Variants in IL15 observed in about 807,000 individuals in gnomAD.
The protein encoded by IL15 is interleukin-15.
IL15 carries 11 observed loss-of-function variants against 19.6 expected under a neutral mutation model. That is an observed-to-expected ratio of 0.56 (90% CI 0.35 to 0.93). IL15 has a LOEUF of 0.93. Ranked by LOEUF, IL15 falls within the 40% of genes least tolerant of loss-of-function variation. The pLI, the probability that IL15 is intolerant of heterozygous loss-of-function variation, is 0.01. For missense variants in IL15, 197 were observed against 186.5 expected, an observed-to-expected ratio of 1.06 and a Z score of -0.33; for synonymous variants, 58 against 59.6, an observed-to-expected ratio of 0.97 and a Z score of 0.12.
At chr4:141,699,897 A>G (rs1368455041) in intron 2 of IL15, among the ~76,000 whole-genome samples, 1 of 151,748 alleles carries the variant, frequency 6.6e-6, no homozygotes, top group East Asian at 1.9e-4. Flanking sequence ...TTATTGTGTT[A>G]TTGTTTTATA....
intron 3 of IL15, among the ~76,000 whole-genome samples, chr4:141,720,007 A>G (rs1730020420): frequency 6.6e-6 from 1 of 152,118 alleles, no homozygotes; most frequent in Non-Finnish European, 1.5e-5. Flanking sequence ...CCAATTTTTC[A>G]CCAAATAATA....
chr4:141,714,787 A>G (rs551697244), intron 2 of IL15: 1 of 152,222 alleles, frequency 6.6e-6, no homozygotes, highest in South Asian at 2.1e-4. Context: ...TCCTTCTTTT[A>G]TAATCCTTGA....
intron 6 of IL15, among the ~76,000 whole-genome samples, chr4:141,729,321 A>G (rs1353496218): frequency 6.6e-6 from 1 of 152,044 alleles, no homozygotes; most frequent in Non-Finnish European, 1.5e-5. Context: ...CACCTAAGAG[A>G]GCCTTTTCTG....
At chr4:141,678,742 C>T (rs1279329985) in intron 2 of IL15, among the ~76,000 whole-genome samples, 4 of 151,954 alleles carry the variant, frequency 2.6e-5, no homozygotes, top group South Asian at 2.1e-4. Context: ...GCTGGGACTA[C>T]AGGCACGTGC....
chr4:141,676,134 G>T (rs1243187827), intron 2 of IL15, among the ~76,000 whole-genome samples: 1 of 152,138 alleles, frequency 6.6e-6, no homozygotes, highest in African/African-American at 2.4e-5. Context: ...AAGTTTTTAA[G>T]GCATATTTAG....
intron 6 of IL15, among the ~76,000 whole-genome samples, chr4:141,728,377 T>C (rs534071666): frequency 5.9e-5 from 9 of 152,272 alleles, no homozygotes; most frequent in African/African-American, 1.9e-4. Flanking sequence ...ATATTTTCCA[T>C]AAATTGCTTA....
At chr4:141,696,391 G>T (rs939938267) in intron 2 of IL15, among the ~76,000 whole-genome samples, 2 of 151,966 alleles carry the variant, frequency 1.3e-5, no homozygotes, top group Admixed American at 1.3e-4. Flanking sequence ...TTTTTGCTCT[G>T]AATTCCTTTG....
intron 2 of IL15, among the ~76,000 whole-genome samples, chr4:141,691,682 G>T (rs1728916461): frequency 6.6e-6 from 1 of 152,190 alleles, no homozygotes; most frequent in Non-Finnish European, 1.5e-5. Flanking sequence ...TTGACTCCAT[G>T]TCTCATATCC....
rs564627936 is a variant in IL15, at chr4:141,671,130, A to G, written c.-100+14823A>G. The stretch of plus-strand genomic sequence containing the variant: ...GCTAGTCTTAATGTATATACTAGAG[A>G]CAGAAAGATGAGTAATATAACCCCT... On this transcript the variant is annotated intron_variant, in intron 2 of 7. Coordinates refer to ENST00000320650, the MANE Select transcript of IL15 (RefSeq NM_000585.5). Among the ~76,000 whole-genome samples the G allele has an allele frequency of 4.8e-4, 73 of 152,306 alleles. No homozygotes were observed. The East Asian group carries it at 0.012, about 25-fold the overall frequency.
At chr4:141,655,499 T>C (rs767727813) in intron 1 of IL15, among the ~76,000 whole-genome samples, 3 of 152,156 alleles carry the variant, frequency 2.0e-5, no homozygotes, top group Non-Finnish European at 2.9e-5. Flanking sequence ...TGCGGATTCT[T>C]GGATCATACT....
chr4:141,702,799 GAC>G (rs959994641), intron 2 of IL15, among the ~76,000 whole-genome samples: 11 of 152,198 alleles, frequency 7.2e-5, no homozygotes, highest in African/African-American at 2.4e-4. Flanking sequence ...TTAGGTGATG[GAC>G]AGGGCTGTAG....
intron 2 of IL15, among the ~76,000 whole-genome samples, chr4:141,709,616 T>C (rs1729646775): frequency 6.6e-6 from 1 of 152,198 alleles, no homozygotes; most frequent in Non-Finnish European, 1.5e-5. Context: ...GCCTTACTGA[T>C]TTCTGTATAT....
chr4:141,704,304 T>C (rs1348585877), intron 2 of IL15, among the ~76,000 whole-genome samples: 1 of 152,184 alleles, frequency 6.6e-6, no homozygotes, highest in Non-Finnish European at 1.5e-5. Context: ...ATCATCTGGA[T>C]TTTGTTTTTC....
intron 7 of IL15, 92 bp from the exon 8 acceptor site, chr4:141,732,646 T>C: frequency 3.3e-6 from 5 of 1,510,156 alleles, no homozygotes; most frequent in Non-Finnish European, 4.5e-6. Flanking sequence ...GACCTCACCA[T>C]ATGGTTCAAA....
chr4:141,648,911 A>T (rs1489711485), intron 1 of IL15, among the ~76,000 whole-genome samples: 7 of 152,118 alleles, frequency 4.6e-5, no homozygotes, highest in Admixed American at 4.6e-4. Context: ...ATATTTATTG[A>T]TCACTTTCTC....
intron 2 of IL15, among the ~76,000 whole-genome samples, chr4:141,668,939 C>G (rs1408479034): frequency 6.6e-6 from 1 of 152,112 alleles, no homozygotes; most frequent in Non-Finnish European, 1.5e-5. Context: ...GTTTCTTGTT[C>G]TGGGCTGTCA....
chr4:141,663,047 C>A (rs528840877), intron 2 of IL15, among the ~76,000 whole-genome samples: 3 of 151,776 alleles, frequency 2.0e-5, no homozygotes, highest in Non-Finnish European at 4.4e-5. Flanking sequence ...AAAAGTAACT[C>A]ATTAAAAAAA....
chr4:141,678,374 G>C lies in IL15; in HGVS notation c.-100+22067G>C, dbSNP rs959266242. The stretch of plus-strand genomic sequence containing the variant: ...TTATTGCAGTTTCTTTTGGAAATTC[G>C]TAGTCATATTTTTTTTTCTGCTTAA... On this transcript the variant is annotated intron_variant, in intron 2 of 7. Coordinates refer to ENST00000320650, the MANE Select transcript of IL15 (RefSeq NM_000585.5). Among the ~76,000 whole-genome samples, 3 of 151,916 alleles carry C rather than the reference G, an allele frequency of 2.0e-5. No homozygotes were observed. In the East Asian group the frequency reaches 5.8e-4, roughly 29 times the overall value.
intron 2 of IL15, among the ~76,000 whole-genome samples, chr4:141,678,995 A>G (rs754997485): frequency 6.6e-6 from 1 of 152,206 alleles, no homozygotes; most frequent in African/African-American, 2.4e-5. Flanking sequence ...TTCTTTGTTA[A>G]CAGCTTTTGA....
Sources: gnomAD v4.1 joint callset for allele counts (sites outside exome capture counted in the v4.1 genomes callset) on GRCh38, gnomAD v4.1.1 for gene constraint, MANE v1.5 for transcripts, NCBI Gene and HGNC (gene_info 2026-07-23, HGNC 2026-07-21) for gene names.